Variants in GUCY2F observed in about 807,000 individuals in gnomAD.
The protein encoded by GUCY2F is retinal guanylyl cyclase 2.
In GUCY2F, 61 loss-of-function variants were observed where a neutral mutation model predicts 73.1. The ratio of observed to expected loss-of-function variants is 0.83; its 90% CI spans 0.68 to 1.03. The LOEUF is 1.03. GUCY2F is among the 50% of genes least tolerant of loss of function. The probability of loss-of-function intolerance (pLI) is 0.00; values close to 1 mark genes in which losing one functional copy is unlikely to be tolerated. For synonymous variants in GUCY2F, 331 were observed against 307.8 expected (o/e 1.08, Z -0.79); for missense variants, 912 against 854.3 (o/e 1.07, Z -0.84).
intron 2 of GUCY2F, among the ~76,000 whole-genome samples, chrX:109,470,951 G>A (rs1222514097): frequency 8.9e-6 from 1 of 112,116 alleles, no homozygotes; most frequent in East Asian, 2.8e-4. Flanking sequence ...TAGGGGTGAT[G>A]CAATAATTGG....
At chrX:109,439,418 C>G (rs747682342) in intron 7 of GUCY2F, among the ~76,000 whole-genome samples, 3 of 111,779 alleles carry the variant, frequency 2.7e-5, no homozygotes, top group Non-Finnish European at 5.6e-5. Flanking sequence ...TCTATCCATA[C>G]CAATCTCCTT....
At position 109,404,443 on chromosome X, in the gene GUCY2F, C is replaced by T. The variant is rs1283344939; in HGVS notation, c.2010G>A (p.Arg670=). The T allele has an allele frequency of 3.4e-6, 4 of 1,193,282 alleles. No homozygotes were observed. Among genetic ancestry groups the T allele is most frequent in the Non-Finnish European group, 2.3e-6 (2 of 880,163 alleles). Residue 670 remains arginine (R), a synonymous_variant, in exon 10 of 20, where the codon AGG becomes AGA. Coordinates refer to ENST00000218006, the MANE Select transcript of GUCY2F (RefSeq NM_001522.3). ...CTACCACACAGTTTCGAGACTTTAG[C>T]CTCCCATGAACAAACTCTCTGTGGT... ...YLHHREFVHG[R]LKSRNCVVDG...
rs1220334245 is a variant in GUCY2F, at chrX:109,482,067, C to T, written c.-287G>A. On this transcript the variant is annotated 5_prime_UTR_variant, in exon 1 of 20. Transcript: ENST00000218006. ...GTTTTGAAAATCACTCTTCAGCATC[C>T]GCAGACCAAGACTTGGATTAGGATT... 1.8e-5 allele frequency: 2 copies of T among 111,865 alleles called. No homozygotes were observed. Among genetic ancestry groups the T allele is most frequent in the Non-Finnish European group, 3.8e-5 (2 of 53,146 alleles). 9.2% of individuals were successfully genotyped at this position (111,865 alleles called of 1,213,427 possible). A position where few individuals can be genotyped will look rare whatever the true frequency, so the allele number is the denominator to read the frequency against.
rs374107218 is a variant in GUCY2F, at chrX:109,400,995, G to T, written c.2126-2297C>A. Among the ~76,000 whole-genome samples the T allele has an allele frequency of 1.3e-4, 15 of 112,078 alleles. No individual in the cohort carries two copies. In the South Asian group the frequency reaches 2.2e-3, roughly 17 times the overall value. ...CATTTAAAAGCACAAGATGGAAAAA[G>T]AGGGCAAAACTCTCTGGTAAAAGCT... On this transcript the variant is annotated intron_variant, in intron 10 of 19. Transcript: ENST00000218006.
intron 7 of GUCY2F, among the ~76,000 whole-genome samples, chrX:109,431,906 G>GAAA (rs747439751): frequency 3.8e-5 from 3 of 79,128 alleles, no homozygotes; most frequent in East Asian, 7.9e-4. Context: ...TCAGCAGCTG[G>GAAA]AAAAAAAAAA....
At chrX:109,437,930 C>G (rs1288556925) in intron 7 of GUCY2F, among the ~76,000 whole-genome samples, 1 of 112,368 alleles carries the variant, frequency 8.9e-6, no homozygotes, top group Non-Finnish European at 1.9e-5. Flanking sequence ...CCCAATACCT[C>G]AAGTTTACAT....
At chrX:109,392,227 G>A (rs1930583360) in intron 13 of GUCY2F, 124 bp from the exon 14 acceptor site, 2 of 491,351 alleles carry the variant, frequency 4.1e-6, no homozygotes, top group African/African-American at 2.4e-5. Context: ...GGAAGAAAGT[G>A]TTACATGGAT....
In GUCY2F at chrX:109,417,983, G is replaced by A. The variant is rs143202315; in HGVS notation, c.1792-8815C>T. 2.9e-3 allele frequency among the ~76,000 whole-genome samples: 296 copies of A among 103,205 alleles called. 2 individuals carry two copies. The highest frequency in any genetic ancestry group is 0.012 in the African/African-American group (282 of 23,676). The allele number at this position is 103,205 out of a possible 115,157, so 89.6% of individuals were successfully genotyped here. On this transcript the variant is annotated intron_variant, in intron 8 of 19. Coordinates refer to ENST00000218006, the MANE Select transcript of GUCY2F (RefSeq NM_001522.3). ...TCATAAGAAGAATATTTGATGTGCT[G>A]GATCATAAGAAGAATATTTTGCATA...
intron 15 of GUCY2F, among the ~76,000 whole-genome samples, chrX:109,387,264 G>C (rs1453166162): frequency 1.8e-5 from 2 of 112,255 alleles, no homozygotes. Context: ...GAACGTTAAA[G>C]GTCAGAGTAA....
intron 1 of GUCY2F, among the ~76,000 whole-genome samples, chrX:109,476,810 C>T (rs965750219): frequency 1.9e-5 from 2 of 103,730 alleles, no homozygotes; most frequent in Admixed American, 1.0e-4. Context: ...TATATATGTG[C>T]GTGTGTATAT....
intron 17 of GUCY2F, among the ~76,000 whole-genome samples, chrX:109,378,246 T>A (rs938812711): frequency 8.9e-6 from 1 of 111,756 alleles, no homozygotes; most frequent in Admixed American, 9.5e-5. Context: ...GGAGATTAAA[T>A]GACTTGTCAA....
At chrX:109,420,980 A>G (rs1931358651) in intron 8 of GUCY2F, among the ~76,000 whole-genome samples, 2 of 111,676 alleles carry the variant, frequency 1.8e-5, no homozygotes, top group South Asian at 3.7e-4. Context: ...TTCACAAAAG[A>G]CATATATAAA....
intron 3 of GUCY2F, among the ~76,000 whole-genome samples, chrX:109,454,982 A>G: frequency 8.9e-6 from 1 of 111,861 alleles, no homozygotes; most frequent in Non-Finnish European, 1.9e-5. Context: ...TGAGTGAATC[A>G]TTTTTTATTA....
intron 1 of GUCY2F, among the ~76,000 whole-genome samples, chrX:109,476,771 TAGAC>T (rs796585437): frequency 0.056 from 5,305 of 95,146 alleles, 366 homozygotes; most frequent in African/African-American, 0.21. Flanking sequence ...GATAGATAGA[TAGAC>T]AGACTATATA....
Position 109,475,446 on chromosome X carries a change from G to A in GUCY2F, c.491C>T (p.Thr164Ile), listed in dbSNP as rs1251837856. The A allele has an allele frequency of 7.4e-6, 9 of 1,211,335 alleles. No homozygotes were observed. In the South Asian group the frequency reaches 1.4e-4, roughly 19 times the overall value. Residue 164 changes from threonine to isoleucine, a missense_variant, in exon 2 of 20, where the codon ACC becomes ATC. Transcript: ENST00000218006. ...GGGAGAAGGGAGTGTCCGAGAAAAG[G>A]TCGGGTAGCTAATTTTATTGTCTAA... ...YELDNKISYP[T>I]FSRTLPSPIR...
chrX:109,443,721 T>A (rs1040985377), intron 6 of GUCY2F, among the ~76,000 whole-genome samples: 2 of 112,172 alleles, frequency 1.8e-5, no homozygotes, highest in Admixed American at 1.9e-4. Flanking sequence ...ATGTGTATCA[T>A]TTTGATATGT....
At chrX:109,479,696 G>A (rs1282419146) in intron 1 of GUCY2F, among the ~76,000 whole-genome samples, 1 of 111,834 alleles carries the variant, frequency 8.9e-6, no homozygotes, top group East Asian at 2.8e-4. Context: ...GGTAGATCCA[G>A]TTCCTGATCA....
chrX:109,396,696 C>A (rs770069736), intron 11 of GUCY2F, among the ~76,000 whole-genome samples: 3 of 112,347 alleles, frequency 2.7e-5, no homozygotes, highest in Non-Finnish European at 5.6e-5. Flanking sequence ...ATCCCTAATA[C>A]GAGCCCCTTG....
chrX:109,442,888 G>C (rs1470481174), intron 6 of GUCY2F, among the ~76,000 whole-genome samples: 2 of 111,691 alleles, frequency 1.8e-5, no homozygotes, highest in Non-Finnish European at 3.8e-5. Flanking sequence ...TTGAGATATA[G>C]ACCTCTCCAT....
Sources: gnomAD v4.1 joint callset for allele counts (sites outside exome capture counted in the v4.1 genomes callset) on GRCh38, gnomAD v4.1.1 for gene constraint, MANE v1.5 for transcripts, NCBI Gene and HGNC (gene_info 2026-07-23, HGNC 2026-07-21) for gene names.